The following PDE11A variants were observed in gnomAD, a reference collection of about 807,000 sequenced individuals.
The protein encoded by PDE11A is dual 3',5'-cyclic-AMP and -GMP phosphodiesterase 11A.
In PDE11A, 100 loss-of-function variants were observed where a neutral mutation model predicts 100.5. The ratio of observed to expected loss-of-function variants is 1.00; its 90% CI spans 0.85 to 1.18. The LOEUF is 1.18. Ranked by LOEUF, PDE11A falls within the 50% of genes most tolerant of loss-of-function variation. The pLI is 0.00. For synonymous variants in PDE11A, 381 were observed against 420.8 expected, an observed-to-expected ratio of 0.91 and a Z score of 1.16; for missense variants, 1,141 against 1,152.6, an observed-to-expected ratio of 0.99 and a Z score of 0.15.
chr2:178,104,800 T>C (rs1447131461), intron 1 of PDE11A, among the ~76,000 whole-genome samples: 1 of 152,226 alleles, frequency 6.6e-6, no homozygotes, highest in Non-Finnish European at 1.5e-5. Context: ...CCAGGTCAAT[T>C]ATATTCCTTT....
intron 13 of PDE11A, among the ~76,000 whole-genome samples, chr2:177,710,833 T>C (rs1486151509): frequency 6.6e-6 from 1 of 152,210 alleles, no homozygotes; most frequent in Non-Finnish European, 1.5e-5. Flanking sequence ...AAAGAACCTG[T>C]TGACAAAGAG....
In PDE11A at chr2:177,962,056, C is replaced by CAAA. The variant is rs34148492; in HGVS notation, c.1071+52243_1071+52245dup. Among the ~76,000 whole-genome samples, 62 of 66,342 alleles carry CAAA rather than the reference C, an allele frequency of 9.3e-4. 2 individuals carry two copies. Among genetic ancestry groups the CAAA allele is most frequent in the African/African-American group, 1.9e-3 (31 of 16,078 alleles). The allele number at this position is 66,342 out of a possible 152,430, so 43.5% of individuals were successfully genotyped here. ...TGGGTGACAGAGTGAGACACTGTCTCAAAAAAAAAAAAAAAAAAAAAAAAA... is the reference window on the plus strand; with the variant it reads ...TGGGTGACAGAGTGAGACACTGTCTCAAAAAAAAAAAAAAAAAAAAAAAAAAAA... On this transcript the variant is annotated intron_variant, in intron 2 of 19. Transcript: ENST00000286063.
chr2:178,106,157 G>A lies in PDE11A; in HGVS notation c.-13-1681C>T, dbSNP rs1054308623. On this transcript the variant is annotated intron_variant, in intron 1 of 20. Transcript: ENST00000358450. ...TTAACATACTGTGGTTAAACAATCT[G>A]TATTCTTCAATATTGGCAGAATAAC... Among the ~76,000 whole-genome samples, 5 of 152,088 alleles carry A rather than the reference G, an allele frequency of 3.3e-5. 1 individual carries two copies. In the South Asian group the frequency reaches 1.0e-3, roughly 32 times the overall value.
chr2:177,699,946 A>G (rs1331975509), intron 14 of PDE11A, among the ~76,000 whole-genome samples: 1 of 152,242 alleles, frequency 6.6e-6, no homozygotes, highest in East Asian at 1.9e-4. Flanking sequence ...ACTTGTTATT[A>G]CAAAGGTGGT....
At chr2:178,011,899 A>G (rs2086278281) in intron 2 of PDE11A, 1 of 152,198 alleles carries the variant, frequency 6.6e-6, no homozygotes, top group South Asian at 2.1e-4. Context: ...CAACCCAGAT[A>G]GACTCACCAT....
chr2:177,700,823 G>A (rs2081186117), intron 14 of PDE11A, among the ~76,000 whole-genome samples: 1 of 152,168 alleles, frequency 6.6e-6, no homozygotes, highest in Non-Finnish European at 1.5e-5. Context: ...TGTATCCTTT[G>A]AGGAAGGTCA....
intron 2 of PDE11A, among the ~76,000 whole-genome samples, chr2:178,093,626 T>A (rs146382795): frequency 4.7e-4 from 72 of 152,272 alleles, no homozygotes; most frequent in African/African-American, 1.7e-3. Context: ...TAATTAGAAG[T>A]CTACCAAGGA....
intron 2 of PDE11A, among the ~76,000 whole-genome samples, chr2:178,095,921 T>C (rs2087482782): frequency 6.6e-6 from 1 of 152,022 alleles, no homozygotes; most frequent in South Asian, 2.1e-4. Flanking sequence ...GGGCACCAAA[T>C]CCCAAGGATG....
At chr2:177,716,091 C>T (rs1461156470) in intron 12 of PDE11A, among the ~76,000 whole-genome samples, 1 of 152,214 alleles carries the variant, frequency 6.6e-6, no homozygotes, top group Non-Finnish European at 1.5e-5. Flanking sequence ...AGCTGTCCAC[C>T]TGTGAGGATG....
chr2:178,034,278 C>T lies in PDE11A; in HGVS notation c.913-19818G>A, dbSNP rs1198968154. On this transcript the variant is annotated intron_variant, in intron 1 of 19. Coordinates refer to ENST00000286063, the MANE Select transcript of PDE11A (RefSeq NM_016953.4). ...TCTGATAAAACAGACTTTAAATCAA[C>T]AAAGATCAAAAAAGACAAAAGGGAT... 4.0e-5 allele frequency among the ~76,000 whole-genome samples: 6 copies of T among 151,850 alleles called. No individual in the cohort carries two copies. In the South Asian group the frequency reaches 1.2e-3, roughly 32 times the overall value.
At chr2:177,804,586 A>G (rs1168295636) in intron 9 of PDE11A, among the ~76,000 whole-genome samples, 1 of 151,982 alleles carries the variant, frequency 6.6e-6, no homozygotes, top group Non-Finnish European at 1.5e-5. Flanking sequence ...ATCCCCAAAA[A>G]GAAATAAATC....
At chr2:178,004,472 A>G (rs1187602243) in intron 2 of PDE11A, among the ~76,000 whole-genome samples, 1 of 152,204 alleles carries the variant, frequency 6.6e-6, no homozygotes, top group Non-Finnish European at 1.5e-5. Context: ...TAGTTATTCA[A>G]AGAAGACCGT....
At chr2:177,942,713 A>G (rs1042093865) in intron 2 of PDE11A, among the ~76,000 whole-genome samples, 1 of 152,140 alleles carries the variant, frequency 6.6e-6, no homozygotes, top group Non-Finnish European at 1.5e-5. Flanking sequence ...AAATTTTTTA[A>G]TTGTTGTAAA....
intron 12 of PDE11A, among the ~76,000 whole-genome samples, chr2:177,713,979 T>C (rs1277158130): frequency 9.1e-6 from 1 of 109,674 alleles, no homozygotes; most frequent in Admixed American, 1.2e-4. Flanking sequence ...ATATTTCTTT[T>C]CTTTTTTCTT....
At chr2:177,658,900 C>CT (rs1208782664) in intron 19 of PDE11A, among the ~76,000 whole-genome samples, 2 of 152,030 alleles carry the variant, frequency 1.3e-5, no homozygotes, top group Non-Finnish European at 2.9e-5. Context: ...TTTTTTCTCC[C>CT]TTTTTTCCAG....
intron 10 of PDE11A, among the ~76,000 whole-genome samples, chr2:177,764,909 T>C: frequency 6.6e-6 from 1 of 152,228 alleles, no homozygotes; most frequent in East Asian, 1.9e-4. Context: ...TCTGTGATCT[T>C]TTTGTGTATA....
chr2:178,051,599 A>G (rs1484840048), intron 1 of PDE11A, among the ~76,000 whole-genome samples: 3 of 152,222 alleles, frequency 2.0e-5, no homozygotes, highest in Admixed American at 1.3e-4. Context: ...AGTGTGCTAT[A>G]TTCAGGAGAC....
chr2:177,712,643 A>G (rs1437319553), intron 12 of PDE11A, among the ~76,000 whole-genome samples: 1 of 152,204 alleles, frequency 6.6e-6, no homozygotes, highest in Non-Finnish European at 1.5e-5. Context: ...GCAGGTTGAC[A>G]TAATTATGTA....
intron 10 of PDE11A, among the ~76,000 whole-genome samples, chr2:177,761,832 G>C (rs562457098): frequency 2.8e-4 from 43 of 152,348 alleles, no homozygotes; most frequent in Admixed American, 2.6e-3. Context: ...GGCTGGAAAA[G>C]TGAGCTGAAA....
Sources: allele counts gnomAD v4.1 joint callset (sites outside exome capture counted in the v4.1 genomes callset), GRCh38; gene constraint gnomAD v4.1.1; transcripts MANE v1.5; gene names NCBI Gene and HGNC (gene_info 2026-07-23, HGNC 2026-07-21).